The following POU2AF3 variants were observed in gnomAD, a reference collection of about 807,000 sequenced individuals.
POU2AF3 encodes cancer susceptibility candidate 13.
the POU2AF3 span, among the ~76,000 whole-genome samples, chr11:111,302,527 C>T: frequency 6.6e-6 from 1 of 152,162 alleles, no homozygotes. Context: ...GGCCACTGTT[C>T]CCTTCTTAGC....
the POU2AF3 span, chr11:111,300,664 C>A: frequency 9.2e-7 from 1 of 1,090,234 alleles, no homozygotes; most frequent in Non-Finnish European, 1.2e-6. Flanking sequence ...CATGCCAGGC[C>A]TCTTTCAAAG....
At chr11:111,304,176 G>A in the POU2AF3 span, among the ~76,000 whole-genome samples, 1 of 152,092 alleles carries the variant, frequency 6.6e-6, no homozygotes, top group African/African-American at 2.4e-5. Flanking sequence ...CTAAGAACAT[G>A]TGAATATTTT....
At chr11:111,299,008 C>A in the POU2AF3 span, 3 of 995,430 alleles carry the variant, frequency 3.0e-6, no homozygotes, top group Admixed American at 6.0e-5. Flanking sequence ...GAGGGGCGCC[C>A]GCTGCCCGCG....
chr11:111,299,086 C>T, the POU2AF3 span: 4 of 978,380 alleles, frequency 4.1e-6, no homozygotes, highest in Non-Finnish European at 4.9e-6. Flanking sequence ...GAGGGCGCGG[C>T]GCCTGGGCCC....
chr11:111,298,759 A>T, the POU2AF3 span: 4 of 1,128,018 alleles, frequency 3.5e-6, no homozygotes, highest in East Asian at 1.3e-4. Context: ...GCTCCCACTC[A>T]GCGCCTGTCC....
the POU2AF3 span, chr11:111,299,400 C>T: frequency 1.8e-5 from 18 of 1,004,100 alleles, no homozygotes; most frequent in Non-Finnish European, 1.9e-5. Flanking sequence ...ACCTTGAAAG[C>T]TCGCCCGGCT....
the POU2AF3 span, among the ~76,000 whole-genome samples, chr11:111,304,264 A>T: frequency 6.6e-6 from 1 of 152,244 alleles, no homozygotes; most frequent in Non-Finnish European, 1.5e-5. Context: ...GCCAGATGGT[A>T]TATGAAATTT....
the POU2AF3 span, among the ~76,000 whole-genome samples, chr11:111,306,184 A>G: frequency 1.3e-5 from 2 of 152,202 alleles, no homozygotes; most frequent in African/African-American, 4.8e-5. Flanking sequence ...TTTTACAGCC[A>G]GTTTCCACAT....
chr11:111,302,482 A>G, the POU2AF3 span, among the ~76,000 whole-genome samples: 2 of 152,184 alleles, frequency 1.3e-5, no homozygotes, highest in Non-Finnish European at 2.9e-5. Context: ...TGAGTGTGGC[A>G]CTTCTGTTGC....
chr11:111,303,096 G>A, the POU2AF3 span, among the ~76,000 whole-genome samples: 3 of 152,192 alleles, frequency 2.0e-5, no homozygotes, highest in East Asian at 3.8e-4. Flanking sequence ...AGGCAATCAC[G>A]AATGGAAGTT....
chr11:111,308,528 C>A, the POU2AF3 span: 2 of 1,295,348 alleles, frequency 1.5e-6, no homozygotes, highest in South Asian at 1.5e-5. Flanking sequence ...CTTGGTAACA[C>A]AATATCCCAA....
At chr11:111,299,655 T>C in the POU2AF3 span, 5 of 1,229,822 alleles carry the variant, frequency 4.1e-6, no homozygotes, top group Non-Finnish European at 5.1e-6. Context: ...TTTCCCCAGC[T>C]CGCGCTGCGC....
the POU2AF3 span, chr11:111,306,368 A>C: frequency 7.4e-7 from 1 of 1,348,334 alleles, no homozygotes; most frequent in Non-Finnish European, 9.7e-7. Context: ...TTATGCAAAA[A>C]CCTGCCTTTT....
the POU2AF3 span, chr11:111,308,385 C>T: frequency 1.3e-6 from 2 of 1,551,654 alleles, no homozygotes; most frequent in South Asian, 1.2e-5. Context: ...TCAGCAGCCG[C>T]CACCAGTGAT....
the POU2AF3 span, chr11:111,298,826 G>GCGGGGCGCC: frequency 2.5e-6 from 2 of 790,962 alleles, no homozygotes; most frequent in Non-Finnish European, 3.4e-6. Flanking sequence ...CGTACCCCAG[G>GCGGGGCGCC]CCCCCGCCCG....
At chr11:111,298,827 C>CGGGGGCG in the POU2AF3 span, 44 of 631,540 alleles carry the variant, frequency 7.0e-5, no homozygotes, top group Non-Finnish European at 8.5e-5. Flanking sequence ...GTACCCCAGG[C>CGGGGGCG]CCCCGCCCGC....
At chr11:111,302,619 T>C in the POU2AF3 span, among the ~76,000 whole-genome samples, 1 of 152,194 alleles carries the variant, frequency 6.6e-6, no homozygotes, top group East Asian at 1.9e-4. Context: ...GTTTGACTTA[T>C]TTAAATTTTT....
chr11:111,300,614 G>A, the POU2AF3 span: 2 of 1,231,150 alleles, frequency 1.6e-6, no homozygotes, highest in South Asian at 8.2e-5. Flanking sequence ...GCGGCCTCCG[G>A]GGGAACCGTA....
the POU2AF3 span, chr11:111,299,953 C>T: frequency 5.0e-6 from 2 of 403,062 alleles, no homozygotes; most frequent in African/African-American, 2.1e-5. Flanking sequence ...CGCTTGCTCC[C>T]GGGCTGGCTT....
Sources: allele counts gnomAD v4.1 joint callset (sites outside exome capture counted in the v4.1 genomes callset), GRCh38; gene constraint gnomAD v4.1.1; transcripts MANE v1.5; gene names NCBI Gene and HGNC (gene_info 2026-07-23, HGNC 2026-07-21).